The following WNT7B variants were observed in gnomAD, a reference collection of about 807,000 sequenced individuals.
WNT7B encodes the protein Wnt family member 7B.
WNT7B carries 19 observed loss-of-function variants against 38.2 expected under a neutral mutation model. The observed-to-expected ratio is 0.50, with a 90% CI of 0.35 to 0.73. The LOEUF (loss-of-function observed/expected upper bound fraction) is 0.73. Ranked by LOEUF, WNT7B falls within the 30% of genes least tolerant of loss-of-function variation. The probability of loss-of-function intolerance (pLI) is 0.01; values close to 1 mark genes in which losing one functional copy is unlikely to be tolerated. For missense variants in WNT7B, 423 were observed against 507.9 expected, an observed-to-expected ratio of 0.83 and a Z score of 1.61; for synonymous variants, 243 against 209.3, an observed-to-expected ratio of 1.16 and a Z score of -1.39.
chr22:45,926,825 G>T (rs1478834629), intron 3 of WNT7B: 3 of 985,450 alleles, frequency 3.0e-6, no homozygotes, highest in East Asian at 1.1e-4. Flanking sequence ...TGAGCCACTG[G>T]CCGAGAAGGA....
intron 3 of WNT7B, among the ~76,000 whole-genome samples, chr22:45,929,724 T>TTTCCATC (rs1569111317): frequency 9.6e-6 from 1 of 104,514 alleles, no homozygotes; most frequent in Non-Finnish European, 2.0e-5. Flanking sequence ...GTGAATCCAC[T>TTTCCATC]CACCCATCCA....
chr22:45,943,167 C>T (rs10448588), intron 2 of WNT7B, among the ~76,000 whole-genome samples: 74,798 of 152,042 alleles, frequency 0.49, 19,523 homozygotes, highest in African/African-American at 0.65. Flanking sequence ...TCCTTCCCCC[C>T]CTGTTTCTCC....
chr22:45,939,229 G>T (rs61100019), intron 2 of WNT7B, among the ~76,000 whole-genome samples: 3,875 of 152,318 alleles, frequency 0.025, 63 homozygotes, highest in African/African-American at 0.047. Flanking sequence ...GCAAAGTTGG[G>T]CAGCTCCTCA....
chr22:45,926,411 A>G lies in WNT7B; in HGVS notation c.571-3076T>C, dbSNP rs920226897. 115 of 985,266 alleles carry G rather than the reference A, an allele frequency of 1.2e-4. No individual in the cohort carries two copies. The African/African-American group carries it at 1.8e-3, about 16-fold the overall frequency. The allele number at this position is 985,266 out of a possible 1,614,324, so 61.0% of individuals were successfully genotyped here. A position where few individuals can be genotyped will look rare whatever the true frequency, so the allele number is the denominator to read the frequency against. ...GGTTGGGCAGGGGGGTGGTGGACTG[A>G]GGGGGCTCCAGGAAAGGGCCAATTC... is the stretch of plus-strand genomic sequence containing the variant. On this transcript the variant is annotated intron_variant, in intron 3 of 3. Coordinates refer to ENST00000339464, the MANE Select transcript of WNT7B (RefSeq NM_058238.3).
Position 45,922,278 on chromosome 22 carries a change from C to T in WNT7B, c.*578G>A, listed in dbSNP as rs541338652. 3.8e-3 allele frequency: 586 copies of T among 153,122 alleles called. No individual in the cohort carries two copies. Among genetic ancestry groups the T allele is most frequent in the Middle Eastern group, 0.02 (6 of 296 alleles). 9.5% of individuals were successfully genotyped at this position (153,122 alleles called of 1,614,324 possible). ...GGCCGGGAAAGGAAACAGAGGGTGT[C>T]TAGGGGATGGGCTGACACAGAGTAC... On this transcript the variant is annotated 3_prime_UTR_variant, in exon 4 of 4. Coordinates refer to ENST00000339464, the MANE Select transcript of WNT7B (RefSeq NM_058238.3).
At chr22:45,968,474 T>A (rs945493617) in intron 1 of WNT7B, among the ~76,000 whole-genome samples, 1 of 152,168 alleles carries the variant, frequency 6.6e-6, no homozygotes, top group African/African-American at 2.4e-5. Context: ...GAGGGCCCTG[T>A]GGAGTCAGGA....
At chr22:45,943,339 G>T (rs558885513) in intron 2 of WNT7B, among the ~76,000 whole-genome samples, 3 of 152,244 alleles carry the variant, frequency 2.0e-5, no homozygotes, top group African/African-American at 7.2e-5. Context: ...GTCCAAACAC[G>T]CCGGCGCCCG....
At chr22:45,959,694 AC>A (rs1305622380) in intron 1 of WNT7B, among the ~76,000 whole-genome samples, 1 of 151,368 alleles carries the variant, frequency 6.6e-6, no homozygotes, top group Admixed American at 6.6e-5. Context: ...ACCTGGGTGG[AC>A]CCCCGCTCTC....
chr22:45,961,371 G>A (rs1270135437), intron 1 of WNT7B, among the ~76,000 whole-genome samples: 5 of 152,186 alleles, frequency 3.3e-5, no homozygotes, highest in Non-Finnish European at 7.3e-5. Context: ...GGCCCGGGAG[G>A]GGCCTTACAC....
chr22:45,946,974 G>A (rs552306835), intron 2 of WNT7B, among the ~76,000 whole-genome samples: 1 of 152,362 alleles, frequency 6.6e-6, no homozygotes, highest in African/African-American at 2.4e-5. Context: ...GGCACTGCTT[G>A]AGTGGCTGTT....
chr22:45,949,764 AG>A (rs935602690), intron 2 of WNT7B, among the ~76,000 whole-genome samples, 155 bp downstream of exon 2: 3 of 152,256 alleles, frequency 2.0e-5, no homozygotes, highest in Non-Finnish European at 1.5e-5. Context: ...GCCTAGGGCC[AG>A]GCCAGGCACG....
rs1007182589 is a variant in WNT7B, at chr22:45,976,555, G to A, written c.71+129C>T. ...CGTGGGGCGAGGGTCTGACACACGG[G>A]CCAGCCCCGGAGCCCAGAGAGCTGC... On this transcript the variant is annotated intron_variant, in intron 1 of 3. Coordinates refer to ENST00000339464, the MANE Select transcript of WNT7B (RefSeq NM_058238.3). This position sits in a 1 kb window ranked among gnomAD's most constrained non-coding sequence, Gnocchi z 8.5. The A allele has an allele frequency of 4.4e-4, 445 of 1,018,698 alleles. No individual in the cohort carries two copies. Among genetic ancestry groups the A allele is most frequent in the Non-Finnish European group, 6.3e-4 (432 of 688,966 alleles). The allele number at this position is 1,018,698 out of a possible 1,614,324, so 63.1% of individuals were successfully genotyped here.
chr22:45,933,365 C>T (rs1931428020), intron 2 of WNT7B, among the ~76,000 whole-genome samples: 1 of 152,204 alleles, frequency 6.6e-6, no homozygotes, highest in Non-Finnish European at 1.5e-5. Context: ...CACTGCCTAC[C>T]CACGCTGCCC....
At chr22:45,924,515 G>A (rs1931016151) in intron 3 of WNT7B, among the ~76,000 whole-genome samples, 1 of 152,264 alleles carries the variant, frequency 6.6e-6, no homozygotes, top group African/African-American at 2.4e-5. Context: ...TCCTGGAGGA[G>A]GTGTGGGTAT....
At chr22:45,963,754 C>A (rs2146747573) in intron 1 of WNT7B, among the ~76,000 whole-genome samples, 1 of 152,242 alleles carries the variant, frequency 6.6e-6, no homozygotes, top group East Asian at 1.9e-4. Flanking sequence ...GGCTCACAGT[C>A]AGAGCTGGCT....
At chr22:45,972,116 G>GGGCCCCCCCCCCCCCCCCCCCCCCC in intron 1 of WNT7B, 3 of 530,732 alleles carry the variant, frequency 5.7e-6, no homozygotes, top group Non-Finnish European at 6.6e-6. Context: ...CCCGGGGGGA[G>GGGCCCCCCCCCCCCCCCCCCCCCCC]CCCACCCGCC....
intron 1 of WNT7B, among the ~76,000 whole-genome samples, chr22:45,960,377 CTG>C (rs1247455835): frequency 6.6e-6 from 1 of 152,214 alleles, no homozygotes; most frequent in African/African-American, 2.4e-5. Flanking sequence ...CCTAAGGCCA[CTG>C]TGTCAGCGGC....
At chr22:45,961,099 C>T (rs994704502) in intron 1 of WNT7B, among the ~76,000 whole-genome samples, 3 of 152,242 alleles carry the variant, frequency 2.0e-5, no homozygotes, top group Non-Finnish European at 4.4e-5. Context: ...GCAGCTCTGG[C>T]GCTGCCCTCA....
At chr22:45,958,886 G>A (rs561068109) in intron 1 of WNT7B, among the ~76,000 whole-genome samples, 1 of 152,300 alleles carries the variant, frequency 6.6e-6, no homozygotes, top group South Asian at 2.1e-4. Context: ...TGTGTGGGGT[G>A]GGCCTTCCCT....
Sources: allele counts gnomAD v4.1 joint callset (sites outside exome capture counted in the v4.1 genomes callset), GRCh38; gene constraint gnomAD v4.1.1; non-coding constraint Gnocchi (gnomAD v3.1); transcripts MANE v1.5; gene names NCBI Gene and HGNC (gene_info 2026-07-23, HGNC 2026-07-21).